ZNF333: variants seen among roughly 807,000 people sequenced by gnomAD.
The protein encoded by ZNF333 is zinc finger protein 333.
Under a neutral mutation model 76.1 loss-of-function variants are expected in ZNF333, and 61 were observed. The observed-to-expected ratio is 0.80, with a 90% CI of 0.65 to 0.99. ZNF333 has a LOEUF of 0.99. Ranked by LOEUF, ZNF333 falls within the 50% of genes least tolerant of loss-of-function variation. ZNF333 has a pLI of 0.00. For missense variants in ZNF333, 717 were observed against 822.4 expected, an observed-to-expected ratio of 0.87 and a Z score of 1.57; for synonymous variants, 284 against 305.0, an observed-to-expected ratio of 0.93 and a Z score of 0.72.
At chr19:14,699,936 T>A (rs73508032) in intron 5 of ZNF333, among the ~76,000 whole-genome samples, 5,909 of 152,120 alleles carry the variant, frequency 0.039, 375 homozygotes, top group African/African-American at 0.14. Flanking sequence ...ATGCTGAGAA[T>A]ATGCTCCCGG....
chr19:14,709,959 T>C (rs77420505), intron 7 of ZNF333, among the ~76,000 whole-genome samples: 1 of 152,308 alleles, frequency 6.6e-6, no homozygotes, highest in African/African-American at 2.4e-5. Context: ...TTTAGCTTGG[T>C]CAGCTGTTGG....
chr19:14,723,283 G>A (rs999790494), downstream of ZNF333, among the ~76,000 whole-genome samples: 1 of 152,108 alleles, frequency 6.6e-6, no homozygotes, highest in African/African-American at 2.4e-5. Flanking sequence ...TGGTCTATAT[G>A]TCTTATCTTT....
rs750739553 is a variant in ZNF333, at chr19:14,695,085, C to A, written c.79C>A (p.Leu27Met). The change falls in exon 3 of 12, where the codon CTG becomes ATG. Residue 27 changes from leucine (L) to methionine (M), a missense_variant. Transcript: ENST00000292530. ...WALLDSARRS[L>M]CKYRMLDQCR... is the part of the protein sequence containing the mutation. ...ATTGCTGGACAGCGCACGGAGGAGCCTGTGCAAATACAGGATGCTTGACCA... is the reference window on the plus strand; with the variant it reads ...ATTGCTGGACAGCGCACGGAGGAGCATGTGCAAATACAGGATGCTTGACCA... The A allele has an allele frequency of 1.4e-5, 22 of 1,614,100 alleles. No homozygotes were observed. The highest frequency in any genetic ancestry group is 1.7e-4 in the Middle Eastern group (1 of 6,060).
intron 7 of ZNF333, among the ~76,000 whole-genome samples, chr19:14,711,953 G>A (rs539750354): frequency 5.3e-5 from 8 of 152,104 alleles, no homozygotes; most frequent in African/African-American, 1.9e-4. Flanking sequence ...CAGGGGAGGA[G>A]ACCTCAGGAT....
intron 11 of ZNF333, among the ~76,000 whole-genome samples, chr19:14,727,572 T>TA (rs2042641855): frequency 6.6e-6 from 1 of 152,020 alleles, no homozygotes; most frequent in Admixed American, 6.6e-5. Context: ...AAGGGATTAC[T>TA]AAACCATTCA....
intron 7 of ZNF333, among the ~76,000 whole-genome samples, chr19:14,707,696 C>T (rs1185274520): frequency 6.1e-5 from 9 of 146,822 alleles, no homozygotes; most frequent in Admixed American, 2.7e-4. Context: ...GGATTACAGG[C>T]GCCCACCACC....
intron 11 of ZNF333, among the ~76,000 whole-genome samples, chr19:14,728,032 C>T (rs1249643287): frequency 1.3e-5 from 2 of 152,128 alleles, no homozygotes; most frequent in East Asian, 3.9e-4. Flanking sequence ...ACCATCCTGG[C>T]TAACACGGTG....
chr19:14,720,455 A>G lies in ZNF333; in HGVS notation c.*1130A>G, dbSNP rs1057255635. 17 of 985,362 alleles carry G rather than the reference A, an allele frequency of 1.7e-5. No individual in the cohort carries two copies. The African/African-American group carries it at 1.9e-4, about 11-fold the overall frequency. The allele number at this position is 985,362 out of a possible 1,614,324, so 61.0% of individuals were successfully genotyped here. A position where few individuals can be genotyped will look rare whatever the true frequency, so the allele number is the denominator to read the frequency against. ...GCTAAGAAGAGGGTGGCCGGAAGTC[A>G]TAACCATCTTGCTTCTGTAATCTAA... On this transcript the variant is annotated 3_prime_UTR_variant, in exon 12 of 12. Transcript: ENST00000292530.
chr19:14,706,859 C>T, intron 7 of ZNF333, 86 bp downstream of exon 7: 1 of 1,176,168 alleles, frequency 8.5e-7, no homozygotes, highest in East Asian at 2.4e-5. Flanking sequence ...ATCCTGCCTG[C>T]ATTTCCTCTG....
intron 7 of ZNF333, among the ~76,000 whole-genome samples, chr19:14,710,308 A>G (rs554958802): frequency 3.2e-4 from 48 of 152,324 alleles, no homozygotes; most frequent in Non-Finnish European, 6.0e-4. Flanking sequence ...AAGCAGTGGT[A>G]GGTGGAGGCC....
At chr19:14,730,458 C>T (rs989069469) in intron 11 of ZNF333, among the ~76,000 whole-genome samples, 1 of 89,304 alleles carries the variant, frequency 1.1e-5, no homozygotes, top group Non-Finnish European at 2.7e-5. Context: ...CTCCCTTCCT[C>T]TCTTTCTTTC....
chr19:14,714,625 A>G, intron 7 of ZNF333: 1 of 152,142 alleles, frequency 6.6e-6, no homozygotes. Context: ...GGGGTCAGGG[A>G]TTGGGTGTGG....
intron 5 of ZNF333, among the ~76,000 whole-genome samples, chr19:14,703,913 C>T (rs1257675671): frequency 6.6e-6 from 1 of 152,154 alleles, no homozygotes; most frequent in Non-Finnish European, 1.5e-5. Context: ...CATTCCTGTT[C>T]AGAACCAAGA....
intron 5 of ZNF333, among the ~76,000 whole-genome samples, chr19:14,704,457 G>A (rs1307527994): frequency 1.3e-5 from 2 of 152,244 alleles, no homozygotes; most frequent in East Asian, 1.9e-4. Context: ...GCTAATTTTT[G>A]TATTTTTAGT....
chr19:14,707,633 G>C (rs1241179242), intron 7 of ZNF333, among the ~76,000 whole-genome samples: 1 of 138,136 alleles, frequency 7.2e-6, no homozygotes, highest in Non-Finnish European at 1.5e-5. Context: ...CTCACTGCAA[G>C]CTCCGCCTCT....
exon 12 of ZNF333, chr19:14,732,977 A>C (rs1007166155): frequency 5.9e-5 from 9 of 152,088 alleles, no homozygotes; most frequent in African/African-American, 1.9e-4. Flanking sequence ...GGTAGACTCT[A>C]TGGGGATATG....
chr19:14,719,372 C>T lies in ZNF333; in HGVS notation c.*47C>T, dbSNP rs370357633. Reference sequence around the variant, plus strand: ...AACACATGGGGCTATGACTTTCCCTCGTAATACTCCTTTAGCTGCATCCTG... The same window carrying T: ...AACACATGGGGCTATGACTTTCCCTTGTAATACTCCTTTAGCTGCATCCTG... On this transcript the variant is annotated 3_prime_UTR_variant, in exon 12 of 12. Transcript: ENST00000292530. 26 of 1,515,946 alleles carry T rather than the reference C, an allele frequency of 1.7e-5. No individual in the cohort carries two copies. The highest frequency in any genetic ancestry group is 1.4e-4 in the African/African-American group (10 of 71,878). 93.9% of individuals were successfully genotyped at this position (1,515,946 alleles called of 1,614,324 possible).
In ZNF333 at chr19:14,713,203, C is replaced by T. The variant is rs1184473178; in HGVS notation, c.512-2179C>T. ...AAGCAAGTGATCTGCTTCCAAAATA[C>T]GGTGATGGGGCAAGCAAAGGATAGA... On this transcript the variant is annotated intron_variant, in intron 7 of 11. Coordinates refer to ENST00000292530, the MANE Select transcript of ZNF333 (RefSeq NM_032433.4). Among the ~76,000 whole-genome samples the T allele has an allele frequency of 9.9e-5, 15 of 152,216 alleles. 1 individual carries two copies. Among genetic ancestry groups the T allele is most frequent in the Non-Finnish European group, 1.5e-5 (1 of 68,026 alleles).
At position 14,720,730 on chromosome 19, in the gene ZNF333, A is replaced by G. The variant is rs2042568069; in HGVS notation, c.*1405A>G. The G allele has an allele frequency of 2.0e-6, 2 of 985,434 alleles. No homozygotes were observed. Among genetic ancestry groups the G allele is most frequent in the African/African-American group, 1.7e-5 (1 of 57,374 alleles). 61.0% of individuals were successfully genotyped at this position (985,434 alleles called of 1,614,324 possible). On this transcript the variant is annotated 3_prime_UTR_variant, in exon 12 of 12. Transcript: ENST00000292530. ...TGAAATCAATGTATTGTATTCTACA[A>G]ATGTCTGCTAGATCAAGCAAATGTG...
Sources: gnomAD v4.1 joint callset for allele counts (sites outside exome capture counted in the v4.1 genomes callset) on GRCh38, gnomAD v4.1.1 for gene constraint, MANE v1.5 for transcripts, NCBI Gene and HGNC (gene_info 2026-07-23, HGNC 2026-07-21) for gene names.